Variants in EYS observed in about 807,000 individuals in gnomAD.
EYS encodes the protein EGF-like photoreceptor maintenance factor.
Under a neutral mutation model 282.1 loss-of-function variants are expected in EYS, and 250 were observed. The ratio of observed to expected loss-of-function variants is 0.89; its 90% CI spans 0.80 to 0.98. The LOEUF (loss-of-function observed/expected upper bound fraction) is 0.98. Ranked by LOEUF, EYS falls within the 50% of genes least tolerant of loss-of-function variation. EYS has a pLI of 0.00. For missense variants in EYS, 4,016 were observed against 3,709.0 expected (o/e 1.08, Z -2.15); for synonymous variants, 1,355 against 1,282.9 (o/e 1.06, Z -1.20).
chr6:64,936,666 C>A (rs574717279), intron 15 of EYS, among the ~76,000 whole-genome samples: 1 of 151,194 alleles, frequency 6.6e-6, no homozygotes, highest in Non-Finnish European at 1.5e-5. Flanking sequence ...GAAGACAATT[C>A]CATTTCTAAT....
At chr6:64,903,881 C>A (rs1161159065) in intron 16 of EYS, among the ~76,000 whole-genome samples, 1 of 152,020 alleles carries the variant, frequency 6.6e-6, no homozygotes, top group African/African-American at 2.4e-5. Flanking sequence ...AATCTGGCTG[C>A]CTCTTCGGTA....
At chr6:64,497,237 C>G (rs1486324613) in intron 26 of EYS, among the ~76,000 whole-genome samples, 1 of 152,108 alleles carries the variant, frequency 6.6e-6, no homozygotes, top group Non-Finnish European at 1.5e-5. Context: ...TCTGTGACTG[C>G]TTTGCAAACT....
At chr6:65,428,207 T>C (rs1767737382) in intron 5 of EYS, among the ~76,000 whole-genome samples, 1 of 152,132 alleles carries the variant, frequency 6.6e-6, no homozygotes, top group Non-Finnish European at 1.5e-5. Flanking sequence ...TTTTGAACAT[T>C]GACCCAGTTA....
At chr6:64,037,587 G>A (rs1356122529) in intron 33 of EYS, among the ~76,000 whole-genome samples, 6 of 152,282 alleles carry the variant, frequency 3.9e-5, no homozygotes, top group Admixed American at 3.3e-4. Context: ...ATTTCCCAAT[G>A]AGGGAATGAG....
At chr6:64,335,619 A>G (rs1428886485) in intron 29 of EYS, among the ~76,000 whole-genome samples, 1 of 152,062 alleles carries the variant, frequency 6.6e-6, no homozygotes, top group Non-Finnish European at 1.5e-5. Context: ...CTTCAATTTA[A>G]TAAATTCTCC....
At chr6:64,715,787 G>T (rs2149938498) in intron 22 of EYS, among the ~76,000 whole-genome samples, 1 of 152,266 alleles carries the variant, frequency 6.6e-6, no homozygotes, top group African/African-American at 2.4e-5. Flanking sequence ...CACTTTATCT[G>T]CTGACTGGAA....
chr6:65,036,852 C>T (rs1174682620), intron 13 of EYS, among the ~76,000 whole-genome samples: 1 of 151,970 alleles, frequency 6.6e-6, no homozygotes, highest in Non-Finnish European at 1.5e-5. Flanking sequence ...TATTTATACA[C>T]TGCTGGTGGG....
intron 22 of EYS, among the ~76,000 whole-genome samples, chr6:64,712,169 CA>C (rs1771236522): frequency 6.6e-6 from 1 of 152,070 alleles, no homozygotes; most frequent in Non-Finnish European, 1.5e-5. Flanking sequence ...CTATCAATTC[CA>C]TAACAGAAAA....
intron 11 of EYS, among the ~76,000 whole-genome samples, chr6:65,297,813 A>G (rs77881456): frequency 6.6e-6 from 1 of 152,028 alleles, no homozygotes; most frequent in African/African-American, 2.4e-5. Context: ...AGAAAAAAAA[A>G]CCTAGGTAAA....
chr6:64,163,187 G>A (rs1336822472), intron 31 of EYS, among the ~76,000 whole-genome samples: 1 of 151,954 alleles, frequency 6.6e-6, no homozygotes, highest in African/African-American at 2.4e-5. Context: ...TTCTAGCAGA[G>A]AGAAAAAACC....
intron 36 of EYS, among the ~76,000 whole-genome samples, chr6:63,810,746 A>G (rs1428420592): frequency 2.6e-5 from 4 of 152,242 alleles, no homozygotes; most frequent in Non-Finnish European, 5.9e-5. Context: ...CCACCATACC[A>G]GCAATCCTAC....
intron 13 of EYS, among the ~76,000 whole-genome samples, chr6:65,030,221 C>G (rs906703086): frequency 1.3e-5 from 2 of 152,084 alleles, no homozygotes; most frequent in African/African-American, 4.8e-5. Flanking sequence ...CCTTCTCTGC[C>G]AGCCACTCCT....
At chr6:64,548,877 T>A (rs1764972950) in intron 26 of EYS, among the ~76,000 whole-genome samples, 1 of 151,910 alleles carries the variant, frequency 6.6e-6, no homozygotes, top group Non-Finnish European at 1.5e-5. Context: ...AGGAGAAACA[T>A]CTGAGCTCCT....
At chr6:64,860,655 C>T (rs1214153477) in intron 19 of EYS, among the ~76,000 whole-genome samples, 4 of 152,232 alleles carry the variant, frequency 2.6e-5, no homozygotes, top group African/African-American at 7.2e-5. Context: ...CAGCTGTTTT[C>T]TCTTTCTTGT....
chr6:64,643,499 G>T (rs563683032), intron 22 of EYS, among the ~76,000 whole-genome samples: 1 of 152,140 alleles, frequency 6.6e-6, no homozygotes, highest in African/African-American at 2.4e-5. Context: ...AATCCCACGT[G>T]GTCCTGGGCA....
chr6:63,886,845 T>C (rs1773273070), intron 35 of EYS, among the ~76,000 whole-genome samples: 1 of 152,154 alleles, frequency 6.6e-6, no homozygotes, highest in Non-Finnish European at 1.5e-5. Flanking sequence ...TAGTGAGAGT[T>C]TCAGAGTGTC....
At chr6:64,189,575 T>G (rs940349627) in intron 31 of EYS, among the ~76,000 whole-genome samples, 2 of 152,164 alleles carry the variant, frequency 1.3e-5, no homozygotes, top group Non-Finnish European at 2.9e-5. Flanking sequence ...GTGAAGGTGT[T>G]TTGTAGATAT....
intron 12 of EYS, among the ~76,000 whole-genome samples, chr6:65,172,957 A>G (rs1765139681): frequency 6.7e-6 from 1 of 149,186 alleles, no homozygotes; most frequent in African/African-American, 2.5e-5. Context: ...TTGGAAAGCA[A>G]TATGAGCCCT....
intron 31 of EYS, among the ~76,000 whole-genome samples, chr6:64,121,375 ATAT>A (rs1773584062): frequency 6.6e-6 from 1 of 152,208 alleles, no homozygotes; most frequent in African/African-American, 2.4e-5. Flanking sequence ...AGTGATATAC[ATAT>A]TATTTCCATT....
Sources: gnomAD v4.1 joint callset for allele counts (sites outside exome capture counted in the v4.1 genomes callset) on GRCh38, gnomAD v4.1.1 for gene constraint, MANE v1.5 for transcripts, NCBI Gene and HGNC (gene_info 2026-07-23, HGNC 2026-07-21) for gene names.